ARHGAP6: variants seen among roughly 807,000 people sequenced by gnomAD.
The protein encoded by ARHGAP6 is Rho GTPase activating protein 6, also known as rho GTPase-activating protein 6.
A neutral mutation model predicts 55.7 loss-of-function variants in ARHGAP6; 16 were observed. The ratio of observed to expected loss-of-function variants is 0.29; its 90% CI spans 0.19 to 0.44. The LOEUF (loss-of-function observed/expected upper bound fraction) is 0.44, where lower values mean the gene tolerates loss of function less well. ARHGAP6 is among the 20% of genes least tolerant of loss of function. The pLI is 1.00. For synonymous variants in ARHGAP6, 382 were observed against 360.9 expected (o/e 1.06, Z -0.66); for missense variants, 698 against 808.9 (o/e 0.86, Z 1.66).
intron 2 of ARHGAP6, among the ~76,000 whole-genome samples, chrX:11,246,581 C>A (rs1456285384): frequency 8.9e-6 from 1 of 112,032 alleles, no homozygotes; most frequent in African/African-American, 3.2e-5. Context: ...TGTTCCAGAT[C>A]AAAGACCAAT....
At chrX:11,234,441 A>G (rs1248956002) in intron 2 of ARHGAP6, among the ~76,000 whole-genome samples, 1 of 112,287 alleles carries the variant, frequency 8.9e-6, no homozygotes, top group Non-Finnish European at 1.9e-5. Flanking sequence ...TCCATTGCCA[A>G]TGTTTGTTTG....
chrX:11,347,525 T>C (rs1020677538), intron 1 of ARHGAP6, among the ~76,000 whole-genome samples: 3 of 112,318 alleles, frequency 2.7e-5, no homozygotes, highest in African/African-American at 9.7e-5. Context: ...AAGGCAACTG[T>C]AATAATCTTG....
intron 1 of ARHGAP6, among the ~76,000 whole-genome samples, chrX:11,654,555 G>C (rs1325487486): frequency 9.0e-6 from 1 of 111,664 alleles, no homozygotes; most frequent in African/African-American, 3.3e-5. Flanking sequence ...AATAGTTCAG[G>C]TGAGATAAGG....
chrX:11,588,109 A>C (rs189470060), intron 1 of ARHGAP6, among the ~76,000 whole-genome samples: 1 of 112,496 alleles, frequency 8.9e-6, no homozygotes, highest in Admixed American at 9.4e-5. Context: ...TGAGGCAGAC[A>C]CATCCATTAC....
chrX:11,370,064 C>T lies in ARHGAP6; in HGVS notation c.589-115357G>A, dbSNP rs781421757. ...GAGGCTGCCTCCTTTAGTTAGCATG[C>T]GTCAATAGCAGCAGTCAGAAGCAAT... On this transcript the variant is annotated intron_variant, in intron 1 of 12. Transcript: ENST00000337414. 7.1e-5 allele frequency among the ~76,000 whole-genome samples: 8 copies of T among 112,102 alleles called. No individual in the cohort carries two copies. In the East Asian group the frequency reaches 1.7e-3, roughly 23 times the overall value.
intron 1 of ARHGAP6, among the ~76,000 whole-genome samples, chrX:11,419,558 A>G (rs988738577): frequency 8.9e-6 from 1 of 112,103 alleles, no homozygotes; most frequent in African/African-American, 3.2e-5. Context: ...AATGTTCCAT[A>G]CCCTTGCTAA....
chrX:11,661,806 C>A (rs997743047), intron 1 of ARHGAP6, among the ~76,000 whole-genome samples: 4 of 112,041 alleles, frequency 3.6e-5, no homozygotes, highest in African/African-American at 1.3e-4. Flanking sequence ...CTATGGGCAA[C>A]CTCACTAACG....
In ARHGAP6 at chrX:11,178,292, T is replaced by C. The variant is rs201381231; in HGVS notation, c.1481-44A>G. ...GGTACTCAAATAAAAGGGGAGCCCATACTATTCAGGCACAGAGGAAAGGCC... is the reference window on the plus strand; with the variant it reads ...GGTACTCAAATAAAAGGGGAGCCCACACTATTCAGGCACAGAGGAAAGGCC... On this transcript the variant is annotated intron_variant, in intron 7 of 12. Transcript: ENST00000337414. 3,335 of 1,154,439 alleles carry C rather than the reference T, an allele frequency of 2.9e-3. 3 individuals carry two copies. Among genetic ancestry groups the C allele is most frequent in the Non-Finnish European group, 3.6e-3 (3,082 of 865,591 alleles).
At chrX:11,476,716 G>A (rs1240389013) in intron 1 of ARHGAP6, among the ~76,000 whole-genome samples, 2 of 111,167 alleles carry the variant, frequency 1.8e-5, no homozygotes, top group Non-Finnish European at 3.8e-5. Context: ...GGTGTCAAAA[G>A]TAATTTAATG....
At chrX:11,468,617 G>C (rs781255095) in intron 1 of ARHGAP6, among the ~76,000 whole-genome samples, 37 of 112,630 alleles carry the variant, frequency 3.3e-4, no homozygotes, top group Non-Finnish European at 6.4e-4. Flanking sequence ...TATTAATCAA[G>C]TGGTATCTGT....
chrX:11,295,466 A>G (rs557955206), intron 1 of ARHGAP6, among the ~76,000 whole-genome samples: 2 of 111,678 alleles, frequency 1.8e-5, no homozygotes, highest in African/African-American at 6.5e-5. Context: ...CAAATGTATT[A>G]AAGATCAGGA....
At chrX:11,368,658 G>A (rs186411182) in intron 1 of ARHGAP6, among the ~76,000 whole-genome samples, 238 of 111,897 alleles carry the variant, frequency 2.1e-3, no homozygotes, top group African/African-American at 7.4e-3. Context: ...CTTCCATGAA[G>A]TTAACTCTAA....
At chrX:11,323,012 T>C (rs979178232) in intron 1 of ARHGAP6, among the ~76,000 whole-genome samples, 1 of 112,419 alleles carries the variant, frequency 8.9e-6, no homozygotes, top group African/African-American at 3.2e-5. Context: ...TAGTATACCC[T>C]GAATTCTGAA....
intron 1 of ARHGAP6, among the ~76,000 whole-genome samples, chrX:11,561,785 G>A (rs2051386387): frequency 8.9e-6 from 1 of 112,234 alleles, no homozygotes; most frequent in African/African-American, 3.2e-5. Context: ...TGTTTTTCAT[G>A]TCAAAGAAGG....
chrX:11,245,426 A>G (rs2047340145), intron 2 of ARHGAP6, among the ~76,000 whole-genome samples: 1 of 111,651 alleles, frequency 9.0e-6, no homozygotes, highest in African/African-American at 3.3e-5. Flanking sequence ...ATACTCAGGT[A>G]TGGCTCTAGC....
At chrX:11,344,659 C>A (rs1276939315) in intron 1 of ARHGAP6, among the ~76,000 whole-genome samples, 1 of 37,343 alleles carries the variant, frequency 2.7e-5, no homozygotes, top group African/African-American at 1.2e-4. Flanking sequence ...GTCTGGGCAA[C>A]AAGAGTGAAA....
At chrX:11,354,823 A>G (rs1410613045) in intron 1 of ARHGAP6, among the ~76,000 whole-genome samples, 1 of 111,724 alleles carries the variant, frequency 9.0e-6, no homozygotes, top group African/African-American at 3.3e-5. Flanking sequence ...CTTGTTTAAC[A>G]TCTTCATCAG....
chrX:11,523,389 A>G (rs978788321), intron 1 of ARHGAP6, among the ~76,000 whole-genome samples: 3 of 110,919 alleles, frequency 2.7e-5, no homozygotes, highest in African/African-American at 6.6e-5. Flanking sequence ...GGCCAGGGCA[A>G]TCAGGCAGGA....
At chrX:11,342,613 A>G (rs749157225) in intron 1 of ARHGAP6, among the ~76,000 whole-genome samples, 2 of 112,116 alleles carry the variant, frequency 1.8e-5, no homozygotes, top group African/African-American at 6.5e-5. Context: ...CTTTACTATC[A>G]AGGGATTCAG....
Sources: gnomAD v4.1 joint callset for allele counts (sites outside exome capture counted in the v4.1 genomes callset) on GRCh38, gnomAD v4.1.1 for gene constraint, MANE v1.5 for transcripts, NCBI Gene and HGNC (gene_info 2026-07-23, HGNC 2026-07-21) for gene names.